NUCB1: variants seen among roughly 807,000 people sequenced by gnomAD.
The protein encoded by NUCB1 is nucleobindin 1.
NUCB1 carries 47 observed loss-of-function variants against 61.2 expected under a neutral mutation model. The observed-to-expected ratio is 0.77, with a 90% CI of 0.61 to 0.98. The LOEUF is 0.98. Among genes scored for constraint, NUCB1 ranks in the 50% least tolerant of loss-of-function variants. The pLI is 0.00. For synonymous variants in NUCB1, 234 were observed against 243.1 expected (o/e 0.96, Z 0.35); for missense variants, 583 against 605.3 (o/e 0.96, Z 0.39).
At position 48,919,179 on chromosome 19, in the gene NUCB1, T is replaced by TA; in HGVS notation, c.910-14dup. On this transcript the variant is annotated splice_polypyrimidine_tract_variant and intron_variant, in intron 9 of 12. Transcript: ENST00000405315. The stretch of plus-strand genomic sequence containing the variant: ...GGCCCCCAGCTCTGTCACTCACCCT[T>TA]ATCTGGCTCCCCAGGTGGACACCAA... The TA allele has an allele frequency of 6.2e-7, 1 of 1,613,944 alleles. No homozygotes were observed. The highest frequency in any genetic ancestry group is 8.5e-7 in the Non-Finnish European group (1 of 1,179,912).
intron 2 of NUCB1, among the ~76,000 whole-genome samples, chr19:48,902,950 T>A (rs2037368292): frequency 6.6e-6 from 1 of 150,616 alleles, no homozygotes; most frequent in Non-Finnish European, 1.5e-5. Flanking sequence ...TATATATATA[T>A]ATATGTTTAA....
In NUCB1 at chr19:48,904,472, G is replaced by A. The variant is rs2037390830; in HGVS notation, c.243+18G>A. 3 of 1,544,982 alleles carry A rather than the reference G, an allele frequency of 1.9e-6. No individual in the cohort carries two copies. The highest frequency in any genetic ancestry group is 2.2e-5 in the East Asian group (1 of 44,468). The stretch of plus-strand genomic sequence containing the variant: ...ACATCAAGGTGCGGCTGGGGGAGTG[G>A]GGGCTGTGGGAGGGGTACGTGCTGG... On this transcript the variant is annotated intron_variant, in intron 3 of 12. Coordinates refer to ENST00000405315, the MANE Select transcript of NUCB1 (RefSeq NM_006184.6).
At chr19:48,910,880 AT>A in intron 4 of NUCB1, 1 of 276,312 alleles carries the variant, frequency 3.6e-6, no homozygotes, top group Non-Finnish European at 7.0e-6. Flanking sequence ...TGGAAAGTGA[AT>A]GAATTAATAC....
At chr19:48,914,057 C>T (rs931651052) in intron 7 of NUCB1, among the ~76,000 whole-genome samples, 3 of 151,312 alleles carry the variant, frequency 2.0e-5, no homozygotes, top group African/African-American at 7.3e-5. Context: ...AACCCCCTGC[C>T]CTCCGCCTCC....
In NUCB1 at chr19:48,911,178, A is replaced by C; in HGVS notation, c.406A>C (p.Lys136Gln). The C allele has an allele frequency of 6.2e-7, 1 of 1,613,700 alleles. No homozygotes were observed. Among genetic ancestry groups the C allele is most frequent in the Non-Finnish European group, 8.5e-7 (1 of 1,179,794 alleles). ...ACAGGTGGATCATCTGAATCTCCTG[A>C]AACAGTTTGAACACCTGGACCCTCA... ...NVQVDHLNLL[K>Q]QFEHLDPQNQ... The change falls in exon 5 of 13, where the codon AAA (lysine) becomes CAA (glutamine). Residue 136 changes from lysine (K) to glutamine (Q), a missense_variant. Physicochemically the swap from Lys to Gln is moderately conservative, Grantham distance 53. Coordinates refer to ENST00000405315, the MANE Select transcript of NUCB1 (RefSeq NM_006184.6).
chr19:48,921,338 A>T lies in NUCB1; in HGVS notation c.1173+14A>T. The T allele has an allele frequency of 6.4e-7, 1 of 1,567,388 alleles. No homozygotes were observed. The highest frequency in any genetic ancestry group is 2.4e-5 in the East Asian group (1 of 41,862). The stretch of plus-strand genomic sequence containing the variant: ...GAGCTGCAGCAGGTGACAGCGGGGG[A>T]AGCTGCTTCCATCCACTGAATCTCT... On this transcript the variant is annotated intron_variant, in intron 11 of 12. Coordinates refer to ENST00000405315, the MANE Select transcript of NUCB1 (RefSeq NM_006184.6).
intron 2 of NUCB1, 51 bp downstream of exon 2, chr19:48,900,982 G>T (rs746419602): frequency 8.7e-6 from 14 of 1,607,310 alleles, no homozygotes; most frequent in African/African-American, 1.3e-5. Flanking sequence ...TGGTACTACA[G>T]CTCCTGCAGA....
chr19:48,911,132 T>C lies in NUCB1; in HGVS notation c.377-17T>C. 1 of 1,581,722 alleles carries C rather than the reference T, an allele frequency of 6.3e-7. No homozygotes were observed. Among genetic ancestry groups the C allele is most frequent in the Non-Finnish European group, 8.7e-7 (1 of 1,151,372 alleles). On this transcript the variant is annotated splice_polypyrimidine_tract_variant and intron_variant, in intron 4 of 12. Transcript: ENST00000405315. ...AAGAACATGCCCTCAGGTGTTGGAC[T>C]CTTCCCTCTCTTCCAGATGTACAGG...
rs1302152271 is a variant in NUCB1 at position 48,911,189 on chromosome 19, A to G, written c.417A>G (p.Glu139=). 6.2e-7 allele frequency: 1 copy of G among 1,613,812 alleles called. No homozygotes were observed. The highest frequency in any genetic ancestry group is 1.1e-5 in the South Asian group (1 of 91,060). The change falls in exon 5 of 13, where the codon GAA becomes GAG. Residue 139 remains glutamate (E), a synonymous_variant. Coordinates refer to ENST00000405315, the MANE Select transcript of NUCB1 (RefSeq NM_006184.6). Reference sequence around the variant, plus strand: ...ATCTGAATCTCCTGAAACAGTTTGAACACCTGGACCCTCAGAACCAGCATA... The same window carrying G: ...ATCTGAATCTCCTGAAACAGTTTGAGCACCTGGACCCTCAGAACCAGCATA... The part of the protein sequence containing the change: ...VDHLNLLKQF[E]HLDPQNQHTF...
intron 10 of NUCB1, among the ~76,000 whole-genome samples, 185 bp downstream of exon 10, chr19:48,919,471 A>ATTTAT (rs1194587615): frequency 6.7e-6 from 1 of 149,028 alleles, no homozygotes; most frequent in East Asian, 2.0e-4. Context: ...TTATTTATTT[A>ATTTAT]TTTATTTATT....
intron 7 of NUCB1, among the ~76,000 whole-genome samples, chr19:48,914,978 G>A (rs1341452708): frequency 2.0e-5 from 3 of 152,118 alleles, no homozygotes; most frequent in African/African-American, 7.2e-5. Flanking sequence ...TACTCAGGAG[G>A]CTGAGGTGGG....
chr19:48,911,315 C>T (rs1200383644), intron 5 of NUCB1, 63 bp downstream of exon 5: 5 of 1,160,092 alleles, frequency 4.3e-6, no homozygotes, highest in Non-Finnish European at 6.4e-6. Flanking sequence ...GAGAAGGGGA[C>T]AGAGTCCCAG....
chr19:48,900,613 G>A, intron 1 of NUCB1, 173 bp from the exon 2 acceptor site: 2 of 819,522 alleles, frequency 2.4e-6, no homozygotes, highest in Admixed American at 2.6e-5. Flanking sequence ...CCAGACTCCT[G>A]TGTCGGAGGA....
intron 11 of NUCB1, 102 bp downstream of exon 11, chr19:48,921,426 T>A: frequency 7.7e-7 from 1 of 1,303,088 alleles, no homozygotes; most frequent in Non-Finnish European, 1.1e-6. Context: ...GCCACCATGT[T>A]AATCACTGGG....
intron 5 of NUCB1, among the ~76,000 whole-genome samples, 163 bp from the exon 6 acceptor site, chr19:48,912,843 CAAAAA>C (rs5828367): frequency 1.0e-5 from 1 of 95,318 alleles, no homozygotes; most frequent in Non-Finnish European, 2.0e-5. Context: ...GACTCCCTCT[CAAAAA>C]AAAAAAAAAA....
intron 3 of NUCB1, among the ~76,000 whole-genome samples, chr19:48,905,086 CG>C (rs1450861251): frequency 6.6e-6 from 1 of 152,110 alleles, no homozygotes; most frequent in South Asian, 2.1e-4. Context: ...CTGCACAGTT[CG>C]GATTTGGATT....
intron 4 of NUCB1, among the ~76,000 whole-genome samples, chr19:48,910,370 C>T (rs942884042): frequency 5.9e-4 from 33 of 55,948 alleles, no homozygotes; most frequent in Non-Finnish European, 1.1e-3. Context: ...GCCACCGCAC[C>T]CAGCCTTGTT....
intron 5 of NUCB1, among the ~76,000 whole-genome samples, chr19:48,911,598 G>T (rs2037474704): frequency 6.6e-6 from 1 of 151,706 alleles, no homozygotes; most frequent in South Asian, 2.1e-4. Context: ...TAGAGACAGG[G>T]TTTCACCATG....
intron 7 of NUCB1, among the ~76,000 whole-genome samples, chr19:48,916,186 G>GTC (rs1169213772): frequency 6.6e-6 from 1 of 151,974 alleles, no homozygotes; most frequent in African/African-American, 2.4e-5. Flanking sequence ...GTGTGTGTGT[G>GTC]TGTGTGTGTG....
Sources: allele counts gnomAD v4.1 joint callset (sites outside exome capture counted in the v4.1 genomes callset), GRCh38; gene constraint gnomAD v4.1.1; transcripts MANE v1.5; gene names NCBI Gene and HGNC (gene_info 2026-07-23, HGNC 2026-07-21).